The following PPP1R9A variants were observed in gnomAD, a reference collection of about 807,000 sequenced individuals.
The protein encoded by PPP1R9A is protein phosphatase 1 regulatory subunit 9A.
A neutral mutation model predicts 141.9 loss-of-function variants in PPP1R9A; 59 were observed. The observed-to-expected ratio is 0.42, with a 90% confidence interval of 0.34 to 0.52. The LOEUF (loss-of-function observed/expected upper bound fraction) is 0.52. Among genes scored for constraint, PPP1R9A ranks in the 20% least tolerant of loss-of-function variants. PPP1R9A has a pLI of 0.10. For synonymous variants in PPP1R9A, 500 were observed against 569.7 expected, an observed-to-expected ratio of 0.88 and a Z score of 1.74; for missense variants, 1,444 against 1,611.9, an observed-to-expected ratio of 0.90 and a Z score of 1.78.
intron 4 of PPP1R9A, among the ~76,000 whole-genome samples, chr7:95,124,576 A>G (rs1823224836): frequency 6.6e-6 from 1 of 152,166 alleles, no homozygotes; most frequent in Non-Finnish European, 1.5e-5. Flanking sequence ...CACCCCGAGG[A>G]AATTACTTGT....
At chr7:95,116,469 ATATTT>A (rs1483650080) in intron 3 of PPP1R9A, among the ~76,000 whole-genome samples, 2 of 152,168 alleles carry the variant, frequency 1.3e-5, no homozygotes, top group South Asian at 2.1e-4. Flanking sequence ...AATGGGAAAA[ATATTT>A]TATTTACAGT....
chr7:95,111,446 A>G (rs547243888), intron 3 of PPP1R9A, 55 bp downstream of exon 3: 5 of 1,474,648 alleles, frequency 3.4e-6, no homozygotes, highest in Middle Eastern at 1.8e-4. Context: ...ATAATACAGA[A>G]TTATTTTTCC....
At chr7:95,199,781 G>A (rs1019372463) in intron 6 of PPP1R9A, among the ~76,000 whole-genome samples, 2 of 152,048 alleles carry the variant, frequency 1.3e-5, no homozygotes, top group Non-Finnish European at 2.9e-5. Flanking sequence ...ACTAAAAAAG[G>A]GATTTCCTCA....
At chr7:95,021,372 C>G (rs13321552) in intron 2 of PPP1R9A, among the ~76,000 whole-genome samples, 3,993 of 151,030 alleles carry the variant, frequency 0.026, 172 homozygotes, top group African/African-American at 0.092. Context: ...TGGATATTAG[C>G]CCTTTGTCAG....
chr7:94,961,807 G>T (rs1009592889), intron 2 of PPP1R9A, among the ~76,000 whole-genome samples: 3 of 151,884 alleles, frequency 2.0e-5, no homozygotes, highest in African/African-American at 7.2e-5. Flanking sequence ...TCGTAGAACA[G>T]ATTTGTATTG....
At chr7:95,058,063 C>G (rs1811731066) in intron 2 of PPP1R9A, among the ~76,000 whole-genome samples, 1 of 152,080 alleles carries the variant, frequency 6.6e-6, no homozygotes, top group Non-Finnish European at 1.5e-5. Flanking sequence ...ACTGGAGAGT[C>G]TGATTCAGTA....
chr7:95,279,216 G>C (rs942128806), intron 16 of PPP1R9A, among the ~76,000 whole-genome samples: 1 of 152,126 alleles, frequency 6.6e-6, no homozygotes, highest in Non-Finnish European at 1.5e-5. Flanking sequence ...GATAAATCAT[G>C]GCATGACAGT....
intron 2 of PPP1R9A, among the ~76,000 whole-genome samples, chr7:95,015,478 A>G (rs751481079): frequency 2.8e-4 from 43 of 152,268 alleles, no homozygotes; most frequent in Middle Eastern, 3.4e-3. Flanking sequence ...AATAGAATGG[A>G]TGTAACAGAG....
chr7:95,218,063 A>G (rs950316147), intron 7 of PPP1R9A, among the ~76,000 whole-genome samples: 1 of 152,042 alleles, frequency 6.6e-6, no homozygotes, highest in Non-Finnish European at 1.5e-5. Context: ...TTGTGATGTT[A>G]GGGTGTCAAT....
chr7:94,985,316 A>G (rs758466776), intron 2 of PPP1R9A, among the ~76,000 whole-genome samples: 1 of 152,084 alleles, frequency 6.6e-6, no homozygotes, highest in African/African-American at 2.4e-5. Flanking sequence ...TGGGGTGGAG[A>G]GTTCTGTAGA....
At chr7:95,084,842 A>G (rs1211650698) in intron 2 of PPP1R9A, among the ~76,000 whole-genome samples, 5 of 152,008 alleles carry the variant, frequency 3.3e-5, no homozygotes, top group Non-Finnish European at 4.4e-5. Context: ...AAGATTGTTT[A>G]TAATTCATCA....
chr7:95,047,551 C>A (rs1449545259), intron 2 of PPP1R9A, among the ~76,000 whole-genome samples: 1 of 152,144 alleles, frequency 6.6e-6, no homozygotes, highest in Non-Finnish European at 1.5e-5. Context: ...TAGCTGACAT[C>A]CTTGTTGAGC....
chr7:95,138,615 T>C (rs973196127), intron 4 of PPP1R9A, among the ~76,000 whole-genome samples: 3 of 152,158 alleles, frequency 2.0e-5, no homozygotes, highest in African/African-American at 7.2e-5. Flanking sequence ...TATTTTCAAA[T>C]ATATATAAGA....
Position 95,048,027 on chromosome 7 carries a change from A to G in PPP1R9A, c.1396-63232A>G, listed in dbSNP as rs577147222. On this transcript the variant is annotated intron_variant, in intron 2 of 19. Coordinates refer to ENST00000433360, the MANE Select transcript of PPP1R9A (RefSeq NM_001166160.2). ...AAGTAGAATATTTATTTTAAAAAGG[A>G]ATAGCTGTTAACAGAATAAGAAAAC... Among the ~76,000 whole-genome samples, 15 of 152,334 alleles carry G rather than the reference A, an allele frequency of 9.8e-5. No homozygotes were observed. In the East Asian group the frequency reaches 2.9e-3, roughly 29 times the overall value.
chr7:95,009,260 C>T (rs12669893), intron 2 of PPP1R9A, among the ~76,000 whole-genome samples: 11,640 of 152,174 alleles, frequency 0.076, 530 homozygotes, highest in East Asian at 0.15. Flanking sequence ...TGTAACAAAC[C>T]TGCACGTTGT....
At chr7:95,230,605 T>G (rs1486116479) in intron 8 of PPP1R9A, among the ~76,000 whole-genome samples, 3 of 151,764 alleles carry the variant, frequency 2.0e-5, no homozygotes, top group Non-Finnish European at 4.4e-5. Context: ...CAAAGACAAA[T>G]AAAAAAGAAT....
intron 4 of PPP1R9A, among the ~76,000 whole-genome samples, chr7:95,135,147 T>A (rs1486765100): frequency 6.6e-6 from 1 of 152,218 alleles, no homozygotes; most frequent in Admixed American, 6.5e-5. Context: ...GTGTCTCTAA[T>A]GCCTGCAACA....
At chr7:95,002,423 T>C (rs1039674675) in intron 2 of PPP1R9A, among the ~76,000 whole-genome samples, 4 of 152,094 alleles carry the variant, frequency 2.6e-5, no homozygotes. Context: ...GGTGGGTGTC[T>C]CCAGGTAGGA....
chr7:94,953,998 T>G (rs1796783280), intron 2 of PPP1R9A, among the ~76,000 whole-genome samples: 2 of 152,178 alleles, frequency 1.3e-5, no homozygotes, highest in African/African-American at 2.4e-5. Context: ...AATACTATGT[T>G]GAATAGGAGT....
Sources: allele counts gnomAD v4.1 joint callset (sites outside exome capture counted in the v4.1 genomes callset), GRCh38; gene constraint gnomAD v4.1.1; transcripts MANE v1.5; gene names NCBI Gene and HGNC (gene_info 2026-07-23, HGNC 2026-07-21).